Variants in FGGY observed in about 807,000 individuals in gnomAD.
FGGY encodes FGGY carbohydrate kinase domain-containing protein.
FGGY carries 72 observed loss-of-function variants against 71.3 expected under a neutral mutation model. The ratio of observed to expected loss-of-function variants is 1.01; its 90% CI spans 0.84 to 1.23. FGGY has a LOEUF of 1.23. Ranked by LOEUF, FGGY falls within the 50% of genes most tolerant of loss-of-function variation. The pLI is 0.00. For synonymous variants in FGGY, 251 were observed against 250.3 expected (o/e 1.00, Z -0.02); for missense variants, 668 against 682.3 (o/e 0.98, Z 0.23).
At chr1:59,463,793 T>A (rs1318616961) in intron 6 of FGGY, among the ~76,000 whole-genome samples, 2 of 151,926 alleles carry the variant, frequency 1.3e-5, no homozygotes, top group African/African-American at 4.8e-5. Context: ...GGTAAAGGGA[T>A]CAATTCAACA....
chr1:59,628,442 G>A (rs556558233), intron 10 of FGGY, among the ~76,000 whole-genome samples: 2 of 152,284 alleles, frequency 1.3e-5, no homozygotes, highest in African/African-American at 4.8e-5. Context: ...GAGACTTAAG[G>A]AGGTACTACA....
chr1:59,433,577 C>T (rs2067820231), intron 5 of FGGY, among the ~76,000 whole-genome samples: 1 of 152,150 alleles, frequency 6.6e-6, no homozygotes, highest in Non-Finnish European at 1.5e-5. Context: ...GGCATGGTAC[C>T]ACCTGGCAAA....
intron 8 of FGGY, among the ~76,000 whole-genome samples, chr1:59,584,616 A>G (rs1370098355): frequency 2.7e-5 from 4 of 150,132 alleles, no homozygotes; most frequent in East Asian, 3.9e-4. Flanking sequence ...GCACAAGACA[A>G]GGATGCCCTC....
At chr1:59,710,128 C>T (rs1018147962) in intron 14 of FGGY, among the ~76,000 whole-genome samples, 1 of 152,214 alleles carries the variant, frequency 6.6e-6, no homozygotes, top group African/African-American at 2.4e-5. Flanking sequence ...TGGCCAAGAA[C>T]TGGCCCTGGA....
At chr1:59,573,147 G>T (rs55774716) in intron 8 of FGGY, among the ~76,000 whole-genome samples, 11,321 of 152,170 alleles carry the variant, frequency 0.074, 944 homozygotes, top group African/African-American at 0.21. Flanking sequence ...CAAAGGAGAC[G>T]AAAGAGACAT....
intron 9 of FGGY, 48 bp from the exon 10 acceptor site, chr1:59,625,940 C>A: frequency 7.0e-7 from 1 of 1,437,350 alleles, no homozygotes; most frequent in Non-Finnish European, 9.5e-7. Context: ...CTATCTTATA[C>A]ATAAATTAAA....
intron 8 of FGGY, among the ~76,000 whole-genome samples, chr1:59,568,470 G>C (rs543299146): frequency 7.9e-6 from 1 of 126,814 alleles, no homozygotes; most frequent in Admixed American, 8.4e-5. Context: ...GGGGCGGGGG[G>C]GGGTGTTCTT....
intron 5 of FGGY, among the ~76,000 whole-genome samples, chr1:59,389,810 T>C (rs896530120): frequency 1.3e-5 from 2 of 152,164 alleles, no homozygotes; most frequent in Admixed American, 6.5e-5. Context: ...CTTATTGTGG[T>C]TTAAGAATTG....
At chr1:59,657,512 C>A (rs543055034) in intron 11 of FGGY, among the ~76,000 whole-genome samples, 1 of 152,016 alleles carries the variant, frequency 6.6e-6, no homozygotes, top group South Asian at 2.1e-4. Context: ...CCAGGACCAC[C>A]GCATGCTAGC....
At chr1:59,550,945 A>G (rs1373857943) in intron 7 of FGGY, among the ~76,000 whole-genome samples, 1 of 152,222 alleles carries the variant, frequency 6.6e-6, no homozygotes, top group East Asian at 1.9e-4. Context: ...AAGAGGAAGA[A>G]AGAATGTTTA....
intron 12 of FGGY, among the ~76,000 whole-genome samples, chr1:59,665,377 C>T (rs1039166985): frequency 1.3e-5 from 2 of 152,156 alleles, no homozygotes; most frequent in East Asian, 3.9e-4. Context: ...TTACCTAATC[C>T]ATATTTTTAC....
At chr1:59,383,151 T>A (rs2059676359) in intron 5 of FGGY, among the ~76,000 whole-genome samples, 1 of 152,162 alleles carries the variant, frequency 6.6e-6, no homozygotes, top group Admixed American at 6.6e-5. Context: ...TTAAAGCAAT[T>A]TTTCCAAATT....
chr1:59,555,475 AG>A (rs1249579583), intron 8 of FGGY, among the ~76,000 whole-genome samples: 1 of 152,164 alleles, frequency 6.6e-6, no homozygotes, highest in Non-Finnish European at 1.5e-5. Context: ...GAATTAAATG[AG>A]GTGATACTAA....
At chr1:59,467,144 A>C (rs2092684371) in intron 6 of FGGY, among the ~76,000 whole-genome samples, 1 of 152,194 alleles carries the variant, frequency 6.6e-6, no homozygotes, top group African/African-American at 2.4e-5. Flanking sequence ...AATGTAACAG[A>C]TAGACACCAT....
intron 6 of FGGY, among the ~76,000 whole-genome samples, chr1:59,471,389 G>A (rs2092933435): frequency 6.6e-6 from 1 of 152,064 alleles, no homozygotes; most frequent in Non-Finnish European, 1.5e-5. Flanking sequence ...TTTCTTTATA[G>A]CAATGTGAAG....
At chr1:59,529,382 A>T (rs1311255511) in intron 7 of FGGY, among the ~76,000 whole-genome samples, 1 of 152,212 alleles carries the variant, frequency 6.6e-6, no homozygotes, top group African/African-American at 2.4e-5. Flanking sequence ...CACAGCTGGC[A>T]GTGAGAACCC....
chr1:59,705,366 C>T (rs908198827), intron 14 of FGGY, among the ~76,000 whole-genome samples: 3 of 152,238 alleles, frequency 2.0e-5, no homozygotes, highest in Non-Finnish European at 2.9e-5. Context: ...ATGTTTTAGA[C>T]TTTTATGTGC....
intron 1 of FGGY, among the ~76,000 whole-genome samples, chr1:59,315,887 T>C (rs1032344237): frequency 1.3e-5 from 2 of 152,304 alleles, no homozygotes; most frequent in Non-Finnish European, 2.9e-5. Context: ...GAAAAAGAAC[T>C]GAAGAGGAGG....
chr1:59,672,010 G>A (rs1036667445), intron 13 of FGGY, among the ~76,000 whole-genome samples: 2 of 152,128 alleles, frequency 1.3e-5, no homozygotes, highest in Non-Finnish European at 2.9e-5. Flanking sequence ...GGGTAGGAAG[G>A]CCCGGGAAGT....
Sources: gnomAD v4.1 joint callset for allele counts (sites outside exome capture counted in the v4.1 genomes callset) on GRCh38, gnomAD v4.1.1 for gene constraint, MANE v1.5 for transcripts, NCBI Gene and HGNC (gene_info 2026-07-23, HGNC 2026-07-21) for gene names.